STK32B: variants seen among roughly 807,000 people sequenced by gnomAD.
STK32B encodes the protein serine/threonine-protein kinase 32B.
In STK32B, 43 loss-of-function variants were observed where a neutral mutation model predicts 52.6. The observed-to-expected ratio is 0.82, with a 90% CI of 0.64 to 1.05. STK32B has a LOEUF of 1.05. Among genes scored for constraint, STK32B ranks in the 50% least tolerant of loss-of-function variants. The probability of loss-of-function intolerance (pLI) is 0.00; values close to 1 mark genes in which losing one functional copy is unlikely to be tolerated. For missense variants in STK32B, 621 were observed against 534.6 expected (o/e 1.16, Z -1.59); for synonymous variants, 238 against 204.3 (o/e 1.17, Z -1.41).
At chr4:5,158,031 A>C (rs1300563063) in intron 2 of STK32B, among the ~76,000 whole-genome samples, 1 of 152,190 alleles carries the variant, frequency 6.6e-6, no homozygotes, top group Non-Finnish European at 1.5e-5. Flanking sequence ...CTTTGGAGGA[A>C]TGTGTCAGCT....
chr4:5,129,976 C>G (rs1400408717), intron 1 of STK32B, among the ~76,000 whole-genome samples: 1 of 152,154 alleles, frequency 6.6e-6, no homozygotes, highest in Non-Finnish European at 1.5e-5. Context: ...AGGCAAAACT[C>G]AGTCCTCAAG....
At chr4:5,358,285 A>G (rs1323199793) in intron 4 of STK32B, among the ~76,000 whole-genome samples, 1 of 152,250 alleles carries the variant, frequency 6.6e-6, no homozygotes, top group Non-Finnish European at 1.5e-5. Flanking sequence ...AGAGCAGAAT[A>G]TGAAAGCAGG....
intron 6 of STK32B, among the ~76,000 whole-genome samples, chr4:5,422,904 G>A (rs536659825): frequency 6.6e-6 from 1 of 152,276 alleles, no homozygotes; most frequent in South Asian, 2.1e-4. Context: ...GCTGGGTAAC[G>A]ATAGAGAGAG....
At chr4:5,160,402 G>C (rs1718347211) in intron 2 of STK32B, among the ~76,000 whole-genome samples, 2 of 152,114 alleles carry the variant, frequency 1.3e-5, no homozygotes. Flanking sequence ...ACGTGCCACG[G>C]CATGTCTCAT....
chr4:5,211,582 G>C lies in STK32B; in HGVS notation c.260+43132G>C, dbSNP rs545807013. On this transcript the variant is annotated intron_variant, in intron 3 of 11. Coordinates refer to ENST00000282908, the MANE Select transcript of STK32B (RefSeq NM_018401.3). ...CCAGGGAGGTAGGACTAGGGGAGGAGGGGGGATGGAAGCTTATTTGCTTGC... is the reference window on the plus strand; with the variant it reads ...CCAGGGAGGTAGGACTAGGGGAGGACGGGGGATGGAAGCTTATTTGCTTGC... Among the ~76,000 whole-genome samples the C allele has an allele frequency of 2.8e-4, 42 of 152,256 alleles. 1 individual carries two copies. In the South Asian group the frequency reaches 7.1e-3, roughly 26 times the overall value.
intron 11 of STK32B, among the ~76,000 whole-genome samples, chr4:5,496,024 G>A (rs1344950919): frequency 2.0e-5 from 3 of 152,242 alleles, no homozygotes; most frequent in Non-Finnish European, 4.4e-5. Flanking sequence ...TCGGGGGCAG[G>A]GGTCAGGGAC....
intron 3 of STK32B, among the ~76,000 whole-genome samples, chr4:5,233,865 C>A (rs1202539878): frequency 2.0e-5 from 3 of 151,854 alleles, no homozygotes; most frequent in Non-Finnish European, 4.4e-5. Flanking sequence ...GCAGTGACGT[C>A]TCCAAGAAAA....
chr4:5,322,659 C>A (rs571851411), intron 3 of STK32B, among the ~76,000 whole-genome samples: 1 of 152,186 alleles, frequency 6.6e-6, no homozygotes, highest in African/African-American at 2.4e-5. Flanking sequence ...TAAGAAAGGT[C>A]TAGGGTTTCC....
intron 3 of STK32B, among the ~76,000 whole-genome samples, chr4:5,196,278 G>C (rs957560365): frequency 6.6e-6 from 1 of 151,044 alleles, no homozygotes; most frequent in Middle Eastern, 3.5e-3. Flanking sequence ...GCCACCCCGC[G>C]AGGTTCTCTT....
chr4:5,357,098 C>A (rs867105328), intron 4 of STK32B, among the ~76,000 whole-genome samples: 1 of 151,868 alleles, frequency 6.6e-6, no homozygotes, highest in African/African-American at 2.4e-5. Flanking sequence ...TACACACACA[C>A]ACACACACAC....
At chr4:5,111,506 C>G (rs1714404007) in intron 1 of STK32B, among the ~76,000 whole-genome samples, 2 of 152,060 alleles carry the variant, frequency 1.3e-5, no homozygotes, top group South Asian at 4.1e-4. Flanking sequence ...AGTGAACTAA[C>G]ACAGAAACAG....
intron 3 of STK32B, among the ~76,000 whole-genome samples, chr4:5,287,169 T>C (rs994196950): frequency 8.5e-5 from 13 of 152,168 alleles, no homozygotes; most frequent in Admixed American, 7.9e-4. Context: ...TGTTCAGCTT[T>C]AGTAGATACT....
intron 3 of STK32B, among the ~76,000 whole-genome samples, chr4:5,280,470 C>T (rs938973455): frequency 9.2e-5 from 14 of 152,148 alleles, no homozygotes; most frequent in African/African-American, 3.1e-4. Flanking sequence ...TCTTCTGATC[C>T]CTCCAAACTG....
At chr4:5,322,460 C>T (rs957867168) in intron 3 of STK32B, among the ~76,000 whole-genome samples, 15 of 152,008 alleles carry the variant, frequency 9.9e-5, no homozygotes, top group Admixed American at 6.6e-5. Context: ...AGCTCATTGC[C>T]CCTGCAGTTG....
At chr4:5,092,444 A>C (rs1477451633) in intron 1 of STK32B, among the ~76,000 whole-genome samples, 3 of 151,398 alleles carry the variant, frequency 2.0e-5, no homozygotes, top group Admixed American at 2.0e-4. Context: ...AGGCCGGAGA[A>C]TGGTGTGAAC....
intron 4 of STK32B, among the ~76,000 whole-genome samples, chr4:5,372,500 A>T (rs576513998): frequency 6.6e-6 from 1 of 152,160 alleles, no homozygotes; most frequent in African/African-American, 2.4e-5. Context: ...GGCCATTACT[A>T]TTCAATATTA....
chr4:5,493,397 T>C (rs969791634), intron 11 of STK32B, among the ~76,000 whole-genome samples: 3 of 152,202 alleles, frequency 2.0e-5, no homozygotes, highest in African/African-American at 4.8e-5. Context: ...CTGATGGTAG[T>C]TTGTATTTCT....
intron 6 of STK32B, among the ~76,000 whole-genome samples, chr4:5,445,993 C>T (rs1189147973): frequency 6.6e-6 from 1 of 152,182 alleles, no homozygotes; most frequent in Non-Finnish European, 1.5e-5. Flanking sequence ...TTCTCAACCC[C>T]CTGGGGGTTC....
At chr4:5,232,433 T>A (rs1465385834) in intron 3 of STK32B, among the ~76,000 whole-genome samples, 1 of 152,218 alleles carries the variant, frequency 6.6e-6, no homozygotes, top group Non-Finnish European at 1.5e-5. Flanking sequence ...CAACTGTGAT[T>A]TGTTTCTTTC....
Sources: allele counts gnomAD v4.1 joint callset (sites outside exome capture counted in the v4.1 genomes callset), GRCh38; gene constraint gnomAD v4.1.1; transcripts MANE v1.5; gene names NCBI Gene and HGNC (gene_info 2026-07-23, HGNC 2026-07-21).